Variants in COL4A5 observed in about 807,000 individuals in gnomAD.
COL4A5 encodes collagen type IV alpha 5 chain.
COL4A5 carries 26 observed loss-of-function variants against 130.2 expected under a neutral mutation model. That is an observed-to-expected ratio of 0.20 (90% confidence interval 0.15 to 0.28). The LOEUF is 0.28. Ranked by LOEUF, COL4A5 falls within the 10% of genes least tolerant of loss-of-function variation. The pLI is 1.00. For synonymous variants in COL4A5, 496 were observed against 439.6 expected (o/e 1.13, Z -1.60); for missense variants, 1,131 against 1,344.3 (o/e 0.84, Z 2.48).
At position 108,624,524 on chromosome X, in the gene COL4A5, T is replaced by C. The variant is rs974644831; in HGVS notation, c.3016+190T>C. On this transcript the variant is annotated intron_variant, in intron 34 of 52. Coordinates refer to ENST00000328300, the MANE Select transcript of COL4A5 (RefSeq NM_033380.3). ...GGCTCTAGTTTTAGCAGTCCAGATTTTATAGGATATTTTGCCTTGATTATT... is the reference window on the plus strand; with the variant it reads ...GGCTCTAGTTTTAGCAGTCCAGATTCTATAGGATATTTTGCCTTGATTATT... Among the ~76,000 whole-genome samples, 17 of 111,894 alleles carry C rather than the reference T, an allele frequency of 1.5e-4. 1 individual carries two copies.
chrX:108,537,624 G>C (rs1220342372), intron 1 of COL4A5, among the ~76,000 whole-genome samples: 2 of 111,669 alleles, frequency 1.8e-5, no homozygotes, highest in Non-Finnish European at 3.8e-5. Flanking sequence ...AGCTTAATTT[G>C]TATTTAAAAG....
At chrX:108,620,169 G>A (rs1385250425) in intron 30 of COL4A5, 90 bp from the exon 31 acceptor site, 6 of 762,928 alleles carry the variant, frequency 7.9e-6, no homozygotes, top group African/African-American at 6.2e-5. Flanking sequence ...GTTATCTACA[G>A]GGTTCTATCA....
chrX:108,587,471 TA>T (rs1041159065), intron 19 of COL4A5, among the ~76,000 whole-genome samples: 1 of 112,096 alleles, frequency 8.9e-6, no homozygotes, highest in Non-Finnish European at 1.9e-5. Context: ...TATGGCCAAA[TA>T]ATATTCCATT....
chrX:108,664,242 G>T (rs149916758), intron 37 of COL4A5, among the ~76,000 whole-genome samples: 31 of 111,916 alleles, frequency 2.8e-4, no homozygotes, highest in African/African-American at 9.7e-4. Context: ...CAATGAAACA[G>T]AATTTGGAGG....
rs2068125822 is a variant in COL4A5 at position 108,668,304 on chromosome X, A to G, written c.3605-15A>G. ...TCGGTATTATTTATCTTCTAATTAT[A>G]CTTTACTTTCATAGGCCAAAAGGGT... On this transcript the variant is annotated splice_polypyrimidine_tract_variant and intron_variant, in intron 40 of 52. Transcript: ENST00000328300. 3 of 1,200,591 alleles carry G rather than the reference A, an allele frequency of 2.5e-6. No individual in the cohort carries two copies. The highest frequency in any genetic ancestry group is 5.9e-5 in the East Asian group (2 of 33,744).
chrX:108,499,475 G>A (rs1335459474), intron 1 of COL4A5, among the ~76,000 whole-genome samples: 1 of 110,532 alleles, frequency 9.0e-6, no homozygotes, highest in Non-Finnish European at 1.9e-5. Flanking sequence ...GTGTAATATA[G>A]GCCTCCTAAA....
chrX:108,654,693 A>G (rs750596882), intron 36 of COL4A5, among the ~76,000 whole-genome samples: 16 of 112,718 alleles, frequency 1.4e-4, no homozygotes, highest in African/African-American at 5.1e-4. Flanking sequence ...GCAATCCTCC[A>G]GCCTTGGCTT....
chrX:108,680,918 C>T lies in COL4A5; in HGVS notation c.4049C>T (p.Ala1350Val). Residue 1350 changes from alanine to valine, a missense_variant, in exon 46 of 53, where the codon GCT (alanine) becomes GTT (valine). Ala to Val is a moderately conservative substitution (Grantham distance 64). Coordinates refer to ENST00000328300, the MANE Select transcript of COL4A5 (RefSeq NM_033380.3). The part of the protein sequence containing the change: ...MKGPSGVPGS[A>V]GPEGEPGLIG... ...GGACCCAGTGGAGTACCTGGATCAGCTGGCCCTGAGGGGGAACCGGGACTT... is the reference window on the plus strand; with the variant it reads ...GGACCCAGTGGAGTACCTGGATCAGTTGGCCCTGAGGGGGAACCGGGACTT... 1 of 1,211,222 alleles carries T rather than the reference C, an allele frequency of 8.3e-7. No homozygotes were observed. Among genetic ancestry groups the T allele is most frequent in the Non-Finnish European group, 1.1e-6 (1 of 895,028 alleles).
intron 37 of COL4A5, among the ~76,000 whole-genome samples, chrX:108,657,928 A>T (rs760740516): frequency 1.3e-3 from 142 of 110,535 alleles, no homozygotes; most frequent in African/African-American, 4.2e-3. Context: ...CTTCTTTTTC[A>T]TTTCTTTATA....
At chrX:108,620,986 G>T (rs1416500978) in intron 31 of COL4A5, among the ~76,000 whole-genome samples, 1 of 110,833 alleles carries the variant, frequency 9.0e-6, no homozygotes, top group Admixed American at 9.6e-5. Context: ...GAAGCGGCAA[G>T]ATTTCTTTTC....
At chrX:108,642,139 G>T (rs1438128119) in intron 36 of COL4A5, among the ~76,000 whole-genome samples, 1 of 109,908 alleles carries the variant, frequency 9.1e-6, no homozygotes, top group African/African-American at 3.3e-5. Flanking sequence ...CTGACAATCT[G>T]CATGACTCAG....
chrX:108,617,842 AT>A (rs1465506667), intron 30 of COL4A5, among the ~76,000 whole-genome samples: 4 of 111,925 alleles, frequency 3.6e-5, no homozygotes, highest in Non-Finnish European at 7.5e-5. Flanking sequence ...GGAAAAAAAA[AT>A]TCATCACCAC....
At chrX:108,636,939 CTTTTTT>C (rs59497827) in intron 36 of COL4A5, among the ~76,000 whole-genome samples, 972 of 76,368 alleles carry the variant, frequency 0.013, 19 homozygotes, top group East Asian at 0.07. Flanking sequence ...AATGTAATGT[CTTTTTT>C]TTTTTTTTTT....
At chrX:108,689,702 G>A (rs998405902) in intron 49 of COL4A5, 16 of 752,784 alleles carry the variant, frequency 2.1e-5, no homozygotes, top group Non-Finnish European at 2.5e-5. Flanking sequence ...ATTACCTCCT[G>A]ATCGAATAAA....
intron 29 of COL4A5, among the ~76,000 whole-genome samples, chrX:108,613,254 G>T (rs2066867189): frequency 9.0e-6 from 1 of 111,671 alleles, no homozygotes; most frequent in African/African-American, 3.2e-5. Flanking sequence ...CTACATATAT[G>T]GTCTCTGTCA....
At position 108,475,289 on chromosome X, in the gene COL4A5, T is replaced by C. The variant is rs137874882; in HGVS notation, c.81+35083T>C. 9.5e-3 allele frequency among the ~76,000 whole-genome samples: 1,053 copies of C among 111,074 alleles called. 15 individuals carry two copies. The highest frequency in any genetic ancestry group is 0.033 in the African/African-American group (1,013 of 30,527). ...AGTGTACCTGTTTTATTATTTCTTG[T>C]AGTAGTAGTAGTATTAGTAGTAGTA... On this transcript the variant is annotated intron_variant, in intron 1 of 52. Transcript: ENST00000328300.
chrX:108,682,032 T>G (rs1222800394), intron 47 of COL4A5, 144 bp downstream of exon 47: 2 of 574,720 alleles, frequency 3.5e-6, no homozygotes, highest in Non-Finnish European at 5.7e-6. Flanking sequence ...CGTTAGATAT[T>G]TCTCCTAATG....
At chrX:108,447,863 C>T (rs1032168997) in intron 1 of COL4A5, among the ~76,000 whole-genome samples, 2 of 111,378 alleles carry the variant, frequency 1.8e-5, no homozygotes, top group African/African-American at 6.5e-5. Flanking sequence ...ATAAATGAAC[C>T]ACCCAGACAC....
In COL4A5 at chrX:108,505,961, T is replaced by G. The variant is rs182289904; in HGVS notation, c.82-33785T>G. Among the ~76,000 whole-genome samples the G allele has an allele frequency of 3.6e-3, 399 of 112,358 alleles. 2 individuals are homozygous for G. Among genetic ancestry groups the G allele is most frequent in the African/African-American group, 0.013 (387 of 30,933 alleles). On this transcript the variant is annotated intron_variant, in intron 1 of 52. Transcript: ENST00000328300. ...CTGGTTCCCCATCATCCTCTTAAAG[T>G]GAGTAATTCTTTTCTCTTTACAATA...
Sources: allele counts gnomAD v4.1 joint callset (sites outside exome capture counted in the v4.1 genomes callset), GRCh38; gene constraint gnomAD v4.1.1; transcripts MANE v1.5; gene names NCBI Gene and HGNC (gene_info 2026-07-23, HGNC 2026-07-21).